The following DPP10 variants were observed in gnomAD, a reference collection of about 807,000 sequenced individuals.
The protein encoded by DPP10 is inactive dipeptidyl peptidase 10.
A neutral mutation model predicts 120.9 loss-of-function variants in DPP10; 33 were observed. The ratio of observed to expected loss-of-function variants is 0.27; its 90% CI spans 0.21 to 0.37. DPP10 has a LOEUF of 0.37. Among genes scored for constraint, DPP10 ranks in the 10% least tolerant of loss-of-function variants. The pLI is 1.00. For synonymous variants in DPP10, 337 were observed against 326.1 expected (o/e 1.03, Z -0.36); for missense variants, 816 against 942.8 (o/e 0.87, Z 1.76).
chr2:115,071,608 A>T (rs1573504094), intron 1 of DPP10, among the ~76,000 whole-genome samples: 1 of 152,114 alleles, frequency 6.6e-6, no homozygotes. Context: ...CTGAAGGTTA[A>T]TTTCCCTAGG....
intron 5 of DPP10, among the ~76,000 whole-genome samples, chr2:115,573,608 GAC>G (rs2081478295): frequency 1.1e-5 from 1 of 88,224 alleles, no homozygotes; most frequent in African/African-American, 4.5e-5. Flanking sequence ...TTTTTTTTGA[GAC>G]AGAGTCTCAC....
chr2:115,399,636 TGTAA>T (rs1357903190), intron 3 of DPP10, among the ~76,000 whole-genome samples: 1 of 152,166 alleles, frequency 6.6e-6, no homozygotes, highest in African/African-American at 2.4e-5. Context: ...TGATGGACTT[TGTAA>T]TATATTAATT....
intron 7 of DPP10, among the ~76,000 whole-genome samples, chr2:115,716,177 C>G (rs756257193): frequency 6.6e-6 from 1 of 152,164 alleles, no homozygotes; most frequent in Non-Finnish European, 1.5e-5. Context: ...AATGAAAACA[C>G]TAGCAGACAG....
intron 1 of DPP10, among the ~76,000 whole-genome samples, chr2:115,012,608 A>T (rs561536930): frequency 6.6e-6 from 1 of 152,304 alleles, no homozygotes; most frequent in Non-Finnish European, 1.5e-5. Context: ...TTTGGCTCAC[A>T]GGAAGCTCCA....
intron 1 of DPP10, among the ~76,000 whole-genome samples, chr2:115,110,121 A>G (rs979019342): frequency 2.6e-5 from 4 of 152,338 alleles, no homozygotes; most frequent in South Asian, 2.1e-4. Context: ...GAAGAAAATA[A>G]TAATTACCTC....
intron 5 of DPP10, among the ~76,000 whole-genome samples, chr2:115,573,242 A>G (rs965641836): frequency 1.1e-4 from 17 of 151,696 alleles, no homozygotes; most frequent in African/African-American, 3.4e-4. Context: ...GCCCTGCAGG[A>G]CATACAGACT....
At chr2:115,146,475 G>A (rs1168126541) in intron 1 of DPP10, among the ~76,000 whole-genome samples, 1 of 151,658 alleles carries the variant, frequency 6.6e-6, no homozygotes, top group Non-Finnish European at 1.5e-5. Flanking sequence ...TAAAAACATT[G>A]AGATTATATC....
At chr2:115,157,717 T>C (rs987481265) in intron 1 of DPP10, among the ~76,000 whole-genome samples, 1 of 152,152 alleles carries the variant, frequency 6.6e-6, no homozygotes, top group Non-Finnish European at 1.5e-5. Context: ...AACCAAATGA[T>C]AGCAGAAGAT....
chr2:115,513,218 C>A (rs1169413886), intron 4 of DPP10, among the ~76,000 whole-genome samples: 1 of 151,458 alleles, frequency 6.6e-6, no homozygotes, highest in Non-Finnish European at 1.5e-5. Flanking sequence ...TTTTGTTTAC[C>A]AGTTTCATGG....
At chr2:115,233,761 T>C (rs2057858595) in intron 1 of DPP10, among the ~76,000 whole-genome samples, 1 of 152,170 alleles carries the variant, frequency 6.6e-6, no homozygotes, top group Non-Finnish European at 1.5e-5. Flanking sequence ...GTGGACAGGA[T>C]GATACTCCAT....
chr2:115,822,635 T>C (rs773121177), intron 21 of DPP10, among the ~76,000 whole-genome samples: 3 of 151,968 alleles, frequency 2.0e-5, no homozygotes, highest in Admixed American at 2.0e-4. Flanking sequence ...TGTGCATAGT[T>C]ATAGATATTT....
intron 7 of DPP10, among the ~76,000 whole-genome samples, chr2:115,721,053 A>G (rs2092637271): frequency 1.3e-5 from 2 of 152,086 alleles, no homozygotes; most frequent in Admixed American, 1.3e-4. Flanking sequence ...GCAGTGATTG[A>G]CTCTGGAAGG....
rs566022316 is a variant in DPP10 at position 114,458,599 on chromosome 2, C to T, written c.60+15761C>T. 8.5e-5 allele frequency among the ~76,000 whole-genome samples: 13 copies of T among 152,312 alleles called. No individual in the cohort carries two copies. The South Asian group carries it at 2.7e-3, about 32-fold the overall frequency. On this transcript the variant is annotated intron_variant, in intron 1 of 25. Coordinates refer to ENST00000410059, the MANE Select transcript of DPP10 (RefSeq NM_020868.6). ...CGAACTGCCTCAATTCATATTCCAGCTTGCCGCTTTTAGCAATATTATCTG... is the reference window on the plus strand; with the variant it reads ...CGAACTGCCTCAATTCATATTCCAGTTTGCCGCTTTTAGCAATATTATCTG...
intron 1 of DPP10, among the ~76,000 whole-genome samples, chr2:115,126,651 C>G (rs2050098300): frequency 6.6e-6 from 1 of 152,048 alleles, no homozygotes; most frequent in Non-Finnish European, 1.5e-5. Context: ...TTCAACTGTT[C>G]TTTTTGTTCT....
intron 1 of DPP10, among the ~76,000 whole-genome samples, chr2:114,903,486 T>C (rs2106634767): frequency 6.6e-6 from 1 of 152,316 alleles, no homozygotes; most frequent in Middle Eastern, 3.4e-3. Flanking sequence ...TTCTAATAGA[T>C]GTGTAGTGGT....
At chr2:114,720,170 G>A (rs1701612923) in intron 1 of DPP10, among the ~76,000 whole-genome samples, 1 of 152,144 alleles carries the variant, frequency 6.6e-6, no homozygotes, top group African/African-American at 2.4e-5. Context: ...GACAGGAGGT[G>A]GGGAAGATCA....
chr2:114,989,700 G>C (rs1700647429), intron 1 of DPP10, among the ~76,000 whole-genome samples: 1 of 152,162 alleles, frequency 6.6e-6, no homozygotes, highest in South Asian at 2.1e-4. Context: ...TACTTTGAAG[G>C]TGGTTCGTTA....
chr2:114,787,762 C>T (rs902862403), intron 1 of DPP10, among the ~76,000 whole-genome samples: 1 of 152,152 alleles, frequency 6.6e-6, no homozygotes, highest in Non-Finnish European at 1.5e-5. Context: ...TGGGGGCTAC[C>T]CGCTTTGCTG....
At chr2:114,981,773 G>GTT (rs1467138463) in intron 1 of DPP10, among the ~76,000 whole-genome samples, 9 of 139,034 alleles carry the variant, frequency 6.5e-5, no homozygotes, top group Non-Finnish European at 1.4e-4. Context: ...TTTGTTTTTT[G>GTT]TTTTTGTTTT....
Sources: allele counts gnomAD v4.1 joint callset (sites outside exome capture counted in the v4.1 genomes callset), GRCh38; gene constraint gnomAD v4.1.1; transcripts MANE v1.5; gene names NCBI Gene and HGNC (gene_info 2026-07-23, HGNC 2026-07-21).